NFIA: variants seen among roughly 807,000 people sequenced by gnomAD.
NFIA encodes the protein nuclear factor 1 A-type.
Under a neutral mutation model 62.8 loss-of-function variants are expected in NFIA, and 8 were observed. The observed-to-expected ratio is 0.13, with a 90% CI of 0.07 to 0.23. NFIA has a LOEUF of 0.23. Ranked by LOEUF, NFIA falls within the 10% of genes least tolerant of loss-of-function variation. The probability of loss-of-function intolerance (pLI) is 1.00; values close to 1 mark genes in which losing one functional copy is unlikely to be tolerated. For synonymous variants in NFIA, 235 were observed against 238.1 expected (o/e 0.99, Z 0.12); for missense variants, 410 against 642.1 (o/e 0.64, Z 3.91).
At chr1:61,253,120 A>G (rs766722674) in intron 2 of NFIA, among the ~76,000 whole-genome samples, 2 of 152,222 alleles carry the variant, frequency 1.3e-5, no homozygotes, top group Admixed American at 1.3e-4. Flanking sequence ...TGGTAAGCTT[A>G]GTGGAGTGTT....
intron 7 of NFIA, among the ~76,000 whole-genome samples, chr1:61,388,754 G>A (rs1192239022): frequency 6.6e-6 from 1 of 152,106 alleles, no homozygotes; most frequent in Admixed American, 6.6e-5. Flanking sequence ...GTTTTTGGCT[G>A]AAAGTAACAG....
intron 2 of NFIA, among the ~76,000 whole-genome samples, chr1:61,142,688 A>G (rs1016496795): frequency 6.6e-6 from 1 of 152,178 alleles, no homozygotes; most frequent in Non-Finnish European, 1.5e-5. Flanking sequence ...ACTTGATGCA[A>G]ATATATACAC....
chr1:61,114,505 A>G (rs1646764035), intron 2 of NFIA, among the ~76,000 whole-genome samples: 1 of 152,106 alleles, frequency 6.6e-6, no homozygotes, highest in Non-Finnish European at 1.5e-5. Context: ...TAAAGCAAAA[A>G]ACATTATTTC....
intron 8 of NFIA, among the ~76,000 whole-genome samples, chr1:61,404,792 T>G (rs1365499284): frequency 6.6e-6 from 1 of 152,214 alleles, no homozygotes; most frequent in Non-Finnish European, 1.5e-5. Context: ...TTATTATGGT[T>G]TGTTATTTCT....
intron 3 of NFIA, among the ~76,000 whole-genome samples, chr1:61,323,464 A>G (rs1245078336): frequency 6.6e-6 from 1 of 152,240 alleles, no homozygotes; most frequent in Admixed American, 6.5e-5. Flanking sequence ...AACAGAATAT[A>G]TATGTACTTT....
chr1:61,209,007 A>G (rs1570383841), intron 2 of NFIA, among the ~76,000 whole-genome samples: 1 of 152,146 alleles, frequency 6.6e-6, no homozygotes, highest in East Asian at 1.9e-4. Flanking sequence ...AGTCATTCCC[A>G]GCGCTGCCTG....
intron 2 of NFIA, among the ~76,000 whole-genome samples, chr1:61,237,116 C>G (rs932880367): frequency 6.6e-6 from 1 of 152,164 alleles, no homozygotes; most frequent in Non-Finnish European, 1.5e-5. Context: ...CCTCACCTCT[C>G]CACCACCATG....
At chr1:61,220,692 C>A (rs2100616853) in intron 2 of NFIA, among the ~76,000 whole-genome samples, 1 of 152,224 alleles carries the variant, frequency 6.6e-6, no homozygotes, top group South Asian at 2.1e-4. Context: ...CAAGTTAGGC[C>A]TTTCTTTAAT....
chr1:61,344,229 A>G (rs1662087704), intron 4 of NFIA, among the ~76,000 whole-genome samples: 1 of 152,136 alleles, frequency 6.6e-6, no homozygotes, highest in Non-Finnish European at 1.5e-5. Context: ...GCGTTTTACA[A>G]CTGTGCCTTT....
chr1:61,176,329 G>T (rs1345599012), intron 2 of NFIA, among the ~76,000 whole-genome samples: 1 of 152,034 alleles, frequency 6.6e-6, no homozygotes, highest in Non-Finnish European at 1.5e-5. Flanking sequence ...TTTAAGTTGG[G>T]GCGTAAACGT....
intron 3 of NFIA, among the ~76,000 whole-genome samples, chr1:61,300,044 T>C (rs1017203182): frequency 1.3e-5 from 2 of 152,114 alleles, no homozygotes; most frequent in Non-Finnish European, 2.9e-5. Flanking sequence ...AACTCATCCA[T>C]GAGCTGGCCA....
At chr1:61,262,437 C>T (rs543439403) in intron 2 of NFIA, among the ~76,000 whole-genome samples, 5 of 152,260 alleles carry the variant, frequency 3.3e-5, no homozygotes, top group African/African-American at 9.6e-5. Context: ...TGTTTAAAGT[C>T]TGAAATCTAA....
chr1:61,417,926 G>A (rs1434270047), intron 9 of NFIA, among the ~76,000 whole-genome samples: 4 of 152,126 alleles, frequency 2.6e-5, no homozygotes, highest in Non-Finnish European at 5.9e-5. Flanking sequence ...TTAAAGGGCT[G>A]GGAGATTGGA....
chr1:61,251,967 A>G (rs1656069829), intron 2 of NFIA, among the ~76,000 whole-genome samples: 1 of 152,156 alleles, frequency 6.6e-6, no homozygotes, highest in Non-Finnish European at 1.5e-5. Flanking sequence ...ACCATTTAAA[A>G]TACAGTAACT....
chr1:61,359,863 C>T (rs1225941979), intron 6 of NFIA, among the ~76,000 whole-genome samples: 1 of 152,176 alleles, frequency 6.6e-6, no homozygotes, highest in Non-Finnish European at 1.5e-5. Flanking sequence ...AAACTCCTGA[C>T]CTTGTGATTC....
chr1:61,323,333 C>G (rs1356523238), intron 3 of NFIA, among the ~76,000 whole-genome samples: 1 of 152,190 alleles, frequency 6.6e-6, no homozygotes, highest in African/African-American at 2.4e-5. Flanking sequence ...GCACAACTTT[C>G]TAGATATAGA....
At chr1:61,386,895 C>T (rs1664716890) in intron 7 of NFIA, among the ~76,000 whole-genome samples, 1 of 152,190 alleles carries the variant, frequency 6.6e-6, no homozygotes, top group Non-Finnish European at 1.5e-5. Context: ...GCTCTGGCAG[C>T]TTCTGTGTCT....
At chr1:61,285,988 A>G (rs1658464853) in intron 3 of NFIA, among the ~76,000 whole-genome samples, 1 of 152,220 alleles carries the variant, frequency 6.6e-6, no homozygotes, top group South Asian at 2.1e-4. Context: ...GCCAAATCAC[A>G]GCTTCCGAAT....
intron 2 of NFIA, among the ~76,000 whole-genome samples, chr1:61,166,887 A>G (rs538117672): frequency 6.6e-5 from 10 of 152,310 alleles, no homozygotes; most frequent in African/African-American, 2.2e-4. Flanking sequence ...CACGCCTGTA[A>G]TCCCAACACT....
Sources: gnomAD v4.1 joint callset for allele counts (sites outside exome capture counted in the v4.1 genomes callset) on GRCh38, gnomAD v4.1.1 for gene constraint, MANE v1.5 for transcripts, NCBI Gene and HGNC (gene_info 2026-07-23, HGNC 2026-07-21) for gene names.